ZNF423: variants seen among roughly 807,000 people sequenced by gnomAD.
ZNF423 encodes Ebf-associated zinc finger protein.
ZNF423 carries 12 observed loss-of-function variants against 95.8 expected under a neutral mutation model. The observed-to-expected ratio is 0.13, with a 90% CI of 0.08 to 0.20. ZNF423 has a LOEUF of 0.20. ZNF423 is among the 10% of genes least tolerant of loss of function. ZNF423 has a pLI of 1.00. For missense variants in ZNF423, 1,316 were observed against 1,737.1 expected (o/e 0.76, Z 4.31); for synonymous variants, 749 against 711.9 (o/e 1.05, Z -0.83).
chr16:49,531,818 C>T (rs1968855691), intron 5 of ZNF423, among the ~76,000 whole-genome samples: 2 of 152,250 alleles, frequency 1.3e-5, no homozygotes, highest in African/African-American at 2.4e-5. Context: ...CCCCAACACC[C>T]CCAGCTCTGG....
intron 3 of ZNF423, among the ~76,000 whole-genome samples, chr16:49,662,956 A>G (rs1359179006): frequency 1.3e-5 from 2 of 152,180 alleles, no homozygotes; most frequent in Admixed American, 1.3e-4. Flanking sequence ...CCCAAAATCC[A>G]ACCCCAGCAT....
At chr16:49,740,832 G>T (rs964802881) in intron 2 of ZNF423, among the ~76,000 whole-genome samples, 1 of 152,188 alleles carries the variant, frequency 6.6e-6, no homozygotes, top group Non-Finnish European at 1.5e-5. Flanking sequence ...TCCAGAGAAC[G>T]TATCTTCAGT....
chr16:49,725,837 G>A (rs988081757), intron 3 of ZNF423, among the ~76,000 whole-genome samples: 4 of 152,130 alleles, frequency 2.6e-5, no homozygotes, highest in Admixed American at 6.5e-5. Flanking sequence ...AGGGCAGCAC[G>A]CACCCCATCT....
intron 5 of ZNF423, among the ~76,000 whole-genome samples, chr16:49,576,421 CAG>C (rs1311341129): frequency 6.6e-6 from 1 of 152,216 alleles, no homozygotes; most frequent in African/African-American, 2.4e-5. Context: ...TGAACCTTGA[CAG>C]AGTCAAGTCT....
At chr16:49,745,583 G>A (rs893919383) in intron 2 of ZNF423, among the ~76,000 whole-genome samples, 1 of 152,200 alleles carries the variant, frequency 6.6e-6, no homozygotes, top group African/African-American at 2.4e-5. Context: ...ACTGTCTATT[G>A]TGAAGACATT....
At chr16:49,683,167 T>C (rs766299048) in intron 3 of ZNF423, among the ~76,000 whole-genome samples, 2 of 152,120 alleles carry the variant, frequency 1.3e-5, no homozygotes, top group Non-Finnish European at 2.9e-5. Flanking sequence ...ATCTGACTAT[T>C]CACTCAACAA....
intron 5 of ZNF423, among the ~76,000 whole-genome samples, chr16:49,575,793 G>C (rs1970478228): frequency 6.6e-6 from 1 of 152,210 alleles, no homozygotes; most frequent in South Asian, 2.1e-4. Flanking sequence ...GGCAGGACCA[G>C]GTGAGGCCTG....
At chr16:49,585,636 A>G (rs910180056) in intron 5 of ZNF423, among the ~76,000 whole-genome samples, 2 of 152,268 alleles carry the variant, frequency 1.3e-5, no homozygotes, top group Non-Finnish European at 2.9e-5. Flanking sequence ...CGTTAGCAAC[A>G]CAAATTACCG....
chr16:49,824,076 CA>C (rs1238894774), intron 1 of ZNF423, among the ~76,000 whole-genome samples: 5 of 151,936 alleles, frequency 3.3e-5, no homozygotes, highest in African/African-American at 1.2e-4. Context: ...GATAACATCT[CA>C]AAAAAAATTT....
At position 49,626,231 on chromosome 16, in the gene ZNF423, C is replaced by T; in HGVS notation, c.3540G>A (p.Lys1180=). ...TCTCGTTCTCGAAGGTCATCTGGCA[C>T]TTGATGCACTGGTATGTCTTTTTCT... is the stretch of plus-strand genomic sequence containing the variant. ...VPRKKTYQCI[K]CQMTFENERE... is the part of the protein sequence containing the mutation. Residue 1180 remains lysine, a synonymous_variant, in exon 5 of 8, where the codon AAG becomes AAA. Coordinates refer to ENST00000563137, the MANE Select transcript of ZNF423 (RefSeq NM_001379286.1). 1 of 1,614,024 alleles carries T rather than the reference C, an allele frequency of 6.2e-7. No homozygotes were observed. The highest frequency in any genetic ancestry group is 1.1e-5 in the South Asian group (1 of 91,070).
At position 49,800,724 on chromosome 16, in the gene ZNF423, C is replaced by A. The variant is rs574513473; in HGVS notation, c.41-11178G>T. 6.6e-5 allele frequency among the ~76,000 whole-genome samples: 10 copies of A among 152,322 alleles called. No individual in the cohort carries two copies. The South Asian group carries it at 2.1e-3, about 32-fold the overall frequency. ...CTGGCTCCCCTTCCATCCTCCCAGG[C>A]CCCCTCAGAGGGAGCCCTTAAAATC... is the stretch of plus-strand genomic sequence containing the variant. On this transcript the variant is annotated intron_variant, in intron 1 of 7. Transcript: ENST00000563137.
chr16:49,681,708 T>G (rs1219502391), intron 3 of ZNF423, among the ~76,000 whole-genome samples: 1 of 152,172 alleles, frequency 6.6e-6, no homozygotes, highest in Non-Finnish European at 1.5e-5. Flanking sequence ...TGCCCATGGG[T>G]TCCTGGAGGC....
intron 1 of ZNF423, among the ~76,000 whole-genome samples, chr16:49,832,651 G>A (rs1196056181): frequency 1.3e-5 from 2 of 152,200 alleles, no homozygotes; most frequent in Admixed American, 6.5e-5. Flanking sequence ...CAGGTGAATC[G>A]CTGACTTCAA....
At chr16:49,763,845 G>A (rs2033876500) in intron 2 of ZNF423, among the ~76,000 whole-genome samples, 1 of 152,180 alleles carries the variant, frequency 6.6e-6, no homozygotes, top group Non-Finnish European at 1.5e-5. Flanking sequence ...CCACAGATCA[G>A]ATCAGCCCGT....
At chr16:49,799,560 G>A (rs1367058388) in intron 1 of ZNF423, among the ~76,000 whole-genome samples, 1 of 152,132 alleles carries the variant, frequency 6.6e-6, no homozygotes. Context: ...TTCTGTGCCA[G>A]CTCATCTCCC....
intron 5 of ZNF423, among the ~76,000 whole-genome samples, chr16:49,546,558 C>G (rs1164936366): frequency 6.6e-6 from 1 of 152,162 alleles, no homozygotes; most frequent in East Asian, 1.9e-4. Flanking sequence ...AAGGGATGAG[C>G]ATGTGAGACT....
At chr16:49,500,710 T>C (rs923956569) in intron 7 of ZNF423, among the ~76,000 whole-genome samples, 1 of 151,420 alleles carries the variant, frequency 6.6e-6, no homozygotes, top group African/African-American at 2.4e-5. Context: ...AAGCCAGGAG[T>C]TTGAGATCAG....
At chr16:49,760,770 CT>C (rs1335963305) in intron 2 of ZNF423, among the ~76,000 whole-genome samples, 1 of 152,042 alleles carries the variant, frequency 6.6e-6, no homozygotes, top group Non-Finnish European at 1.5e-5. Context: ...AAGTCTCCCC[CT>C]GAGACTCAGG....
At chr16:49,738,000 G>A (rs2033328484) in intron 2 of ZNF423, among the ~76,000 whole-genome samples, 1 of 152,320 alleles carries the variant, frequency 6.6e-6, no homozygotes, top group Middle Eastern at 3.4e-3. Flanking sequence ...TGGAGGCAGG[G>A]GGCCAGGAGC....
Sources: allele counts gnomAD v4.1 joint callset (sites outside exome capture counted in the v4.1 genomes callset), GRCh38; gene constraint gnomAD v4.1.1; transcripts MANE v1.5; gene names NCBI Gene and HGNC (gene_info 2026-07-23, HGNC 2026-07-21).